The following RNF220 variants were observed in gnomAD, a reference collection of about 807,000 sequenced individuals.
The protein encoded by RNF220 is ring finger protein 220.
In RNF220, 7 loss-of-function variants were observed where a neutral mutation model predicts 67.1. That is an observed-to-expected ratio of 0.10 (90% CI 0.06 to 0.20). RNF220 has a LOEUF of 0.20. RNF220 is among the 10% of genes least tolerant of loss of function. The pLI is 1.00. For missense variants in RNF220, 565 were observed against 740.3 expected (o/e 0.76, Z 2.75); for synonymous variants, 270 against 283.2 (o/e 0.95, Z 0.47).
At chr1:44,639,717 G>T (rs989344324) in intron 8 of RNF220, among the ~76,000 whole-genome samples, 7 of 152,238 alleles carry the variant, frequency 4.6e-5, no homozygotes, top group African/African-American at 1.4e-4. Flanking sequence ...TGGATGAGAA[G>T]TCATGAAGCA....
intron 2 of RNF220, among the ~76,000 whole-genome samples, chr1:44,609,061 G>T (rs148060319): frequency 6.6e-6 from 1 of 152,172 alleles, no homozygotes; most frequent in African/African-American, 2.4e-5. Flanking sequence ...TTTGCCCAAG[G>T]TCACACAGCT....
intron 2 of RNF220, among the ~76,000 whole-genome samples, chr1:44,414,207 T>A (rs1277487081): frequency 1.3e-5 from 2 of 152,236 alleles, no homozygotes; most frequent in African/African-American, 4.8e-5. Context: ...TGAACAGGTA[T>A]CGGCATTGTG....
chr1:44,633,806 G>A (rs538586196), intron 6 of RNF220, among the ~76,000 whole-genome samples: 29 of 152,322 alleles, frequency 1.9e-4, no homozygotes, highest in Admixed American at 1.7e-3. Flanking sequence ...AGAACTCTCA[G>A]GGTCCTTTGC....
intron 2 of RNF220, among the ~76,000 whole-genome samples, chr1:44,483,252 C>G (rs1444780690): frequency 6.6e-6 from 1 of 152,074 alleles, no homozygotes; most frequent in Non-Finnish European, 1.5e-5. Flanking sequence ...TTAATACACA[C>G]CTTTTAAAAG....
chr1:44,631,976 C>T (rs1052553594), intron 5 of RNF220: 11 of 1,000,810 alleles, frequency 1.1e-5, no homozygotes, highest in African/African-American at 5.2e-5. Context: ...TTAGGGCCAA[C>T]ATGGCCGCCG....
At chr1:44,573,149 G>C (rs747737774) in intron 2 of RNF220, 1 of 155,550 alleles carries the variant, frequency 6.4e-6, no homozygotes, top group African/African-American at 2.4e-5. Context: ...ATTATTAATT[G>C]AATGCCTAAA....
In RNF220 at chr1:44,568,670, G is replaced by A. The variant is rs958277311; in HGVS notation, c.626-45495G>A. ...CCAGATGCCCAGGCCAGGAATCAGC[G>A]GGGATGGAGTTGCGAAGGCAGGAGA... On this transcript the variant is annotated intron_variant, in intron 2 of 14. Coordinates refer to ENST00000361799, the MANE Select transcript of RNF220 (RefSeq NM_018150.4). Among the ~76,000 whole-genome samples the A allele has an allele frequency of 1.4e-4, 22 of 152,222 alleles. 1 individual carries two copies. The highest frequency in any genetic ancestry group is 1.0e-3 in the Admixed American group (16 of 15,292).
intron 2 of RNF220, among the ~76,000 whole-genome samples, chr1:44,451,766 A>G (rs1201403379): frequency 1.3e-5 from 2 of 152,098 alleles, no homozygotes; most frequent in African/African-American, 2.4e-5. Context: ...GATTACAGGC[A>G]TGGGCCACCA....
chr1:44,574,521 A>G (rs1270898803), intron 2 of RNF220, among the ~76,000 whole-genome samples: 1 of 152,156 alleles, frequency 6.6e-6, no homozygotes, highest in Non-Finnish European at 1.5e-5. Context: ...TCTTTAATAC[A>G]TTTACTTAGA....
intron 2 of RNF220, among the ~76,000 whole-genome samples, chr1:44,439,205 T>A: frequency 6.6e-6 from 1 of 152,264 alleles, no homozygotes; most frequent in Non-Finnish European, 1.5e-5. Flanking sequence ...TATGCTGTTA[T>A]CAACACATTA....
chr1:44,502,745 T>C (rs1485994997), intron 2 of RNF220, among the ~76,000 whole-genome samples: 2 of 145,486 alleles, frequency 1.4e-5, no homozygotes, highest in African/African-American at 5.1e-5. Flanking sequence ...GAAAAACGTG[T>C]GAATTATTAT....
chr1:44,614,135 C>T (rs748044027), intron 2 of RNF220, 30 bp from the exon 3 acceptor site: 15 of 1,613,296 alleles, frequency 9.3e-6, no homozygotes, highest in Middle Eastern at 1.7e-4. Context: ...GCCCAGCTTA[C>T]GCGTCTGTCT....
intron 2 of RNF220, among the ~76,000 whole-genome samples, chr1:44,513,366 A>G (rs571189087): frequency 6.6e-6 from 1 of 152,208 alleles, no homozygotes; most frequent in East Asian, 1.9e-4. Flanking sequence ...GCTGTTGGCA[A>G]TCTCATGGTT....
chr1:44,546,947 TAAGGAGGGGTTCAGC>T (rs776091897), intron 2 of RNF220, among the ~76,000 whole-genome samples: 1 of 152,078 alleles, frequency 6.6e-6, no homozygotes, highest in African/African-American at 2.4e-5. Context: ...CAGATGACAC[TAAGGAGGGGTTCAGC>T]AAGTAAATAA....
chr1:44,636,419 G>C (rs1438375937), intron 8 of RNF220: 2 of 719,806 alleles, frequency 2.8e-6, no homozygotes, highest in South Asian at 3.0e-5. Context: ...CTCAGCTTCG[G>C]GTGATGCATT....
chr1:44,589,982 G>T (rs913360084), intron 2 of RNF220, among the ~76,000 whole-genome samples: 1 of 152,174 alleles, frequency 6.6e-6, no homozygotes, highest in African/African-American at 2.4e-5. Context: ...AAATTAAGAT[G>T]CAAAACGCTA....
chr1:44,429,236 A>G (rs765688960), intron 2 of RNF220, among the ~76,000 whole-genome samples: 2 of 152,098 alleles, frequency 1.3e-5, no homozygotes, highest in African/African-American at 4.8e-5. Flanking sequence ...GAGGAATCCT[A>G]TCCAGGTATG....
intron 2 of RNF220, among the ~76,000 whole-genome samples, chr1:44,495,628 G>GTTTCACCATGTT (rs1455265213): frequency 6.6e-6 from 1 of 152,190 alleles, no homozygotes; most frequent in Non-Finnish European, 1.5e-5. Flanking sequence ...TAGAGACGGG[G>GTTTCACCATGTT]TTTCACCATG....
At chr1:44,453,938 A>G (rs762119969) in intron 2 of RNF220, among the ~76,000 whole-genome samples, 6 of 152,240 alleles carry the variant, frequency 3.9e-5, no homozygotes, top group Non-Finnish European at 8.8e-5. Context: ...ATATACAAGC[A>G]TGCATTTTGT....
Sources: gnomAD v4.1 joint callset for allele counts (sites outside exome capture counted in the v4.1 genomes callset) on GRCh38, gnomAD v4.1.1 for gene constraint, MANE v1.5 for transcripts, NCBI Gene and HGNC (gene_info 2026-07-23, HGNC 2026-07-21) for gene names.